COX20: variants seen among roughly 807,000 people sequenced by gnomAD.
COX20 encodes cytochrome c oxidase assembly factor COX20, also known as cytochrome c oxidase assembly protein COX20, mitochondrial.
COX20 carries 14 observed loss-of-function variants against 14.3 expected under a neutral mutation model. The observed-to-expected ratio is 0.98, with a 90% CI of 0.65 to 1.53. The LOEUF (loss-of-function observed/expected upper bound fraction) is 1.53, where lower values mean the gene tolerates loss of function less well. COX20 is among the 40% of genes most tolerant of loss of function. The pLI is 0.00. For synonymous variants in COX20, 56 were observed against 51.7 expected (o/e 1.08, Z -0.36); for missense variants, 149 against 142.1 (o/e 1.05, Z -0.25).
chr1:244,837,106 T>C (rs1294264635), intron 1 of COX20, among the ~76,000 whole-genome samples: 3 of 144,742 alleles, frequency 2.1e-5, no homozygotes, highest in Non-Finnish European at 4.6e-5. Flanking sequence ...CATTGGAAAT[T>C]AAAAAAAAAA....
chr1:244,835,890 C>T (rs1294109712), intron 1 of COX20, 134 bp downstream of exon 1: 3 of 640,834 alleles, frequency 4.7e-6, no homozygotes, highest in Admixed American at 8.7e-5. Context: ...TTTAACTGTT[C>T]CTAGTCCTTA....
At chr1:244,835,620 C>T, upstream of COX20, 2 of 974,068 alleles carry the variant, frequency 2.1e-6, no homozygotes, top group East Asian at 3.4e-5. Context: ...GAGGCGGCGG[C>T]GCGTGGGGGC....
Position 244,843,410 on chromosome 1 carries a change from T to G in COX20, c.*234T>G, listed in dbSNP as rs1209517141. 4.3e-6 allele frequency: 2 copies of G among 466,656 alleles called. No homozygotes were observed. Among genetic ancestry groups the G allele is most frequent in the Non-Finnish European group, 7.6e-6 (2 of 261,880 alleles). 28.9% of individuals were successfully genotyped at this position (466,656 alleles called of 1,614,324 possible). A position where few individuals can be genotyped will look rare whatever the true frequency, so the allele number is the denominator to read the frequency against. On this transcript the variant is annotated 3_prime_UTR_variant, in exon 4 of 4. Coordinates refer to ENST00000411948, the MANE Select transcript of COX20 (RefSeq NM_198076.6). ...GTCATCCTTAAAATGTGAACAGAATTTATTGGCAGTGTGGCAAAGAATTAT... is the reference window on the plus strand; with the variant it reads ...GTCATCCTTAAAATGTGAACAGAATGTATTGGCAGTGTGGCAAAGAATTAT...
At chr1:244,841,294 C>G (rs1680188762) in intron 1 of COX20, 1 of 152,176 alleles carries the variant, frequency 6.6e-6, no homozygotes, top group Non-Finnish European at 1.5e-5. Context: ...CTTTGGATCC[C>G]CGCGTTTTTC....
intron 1 of COX20, among the ~76,000 whole-genome samples, chr1:244,836,151 T>G (rs1368992182): frequency 6.6e-6 from 1 of 152,156 alleles, no homozygotes; most frequent in East Asian, 1.9e-4. Flanking sequence ...TTCATCACAT[T>G]TAACATAGGA....
chr1:244,842,952 TTTAAG>T (rs1680266025), intron 3 of COX20, 84 bp from the exon 4 acceptor site: 5 of 1,023,794 alleles, frequency 4.9e-6, no homozygotes, highest in South Asian at 3.6e-5. Context: ...GTCATCTGTA[TTTAAG>T]TTTTGTGTGA....
upstream of COX20, chr1:244,835,574 C>T: frequency 3.8e-6 from 2 of 531,286 alleles, no homozygotes; most frequent in Non-Finnish European, 5.7e-6. Context: ...TAGGAACATT[C>T]CCTAAAATGG....
In COX20 at chr1:244,843,372, A is replaced by G; in HGVS notation, c.*196A>G. On this transcript the variant is annotated 3_prime_UTR_variant, in exon 4 of 4. Transcript: ENST00000411948. ...CCAGGATAGCATTCTTACGTGTTAC[A>G]TATAGTGGACTTGTCATCCTTAAAA... is the stretch of plus-strand genomic sequence containing the variant. 1 of 554,528 alleles carries G rather than the reference A, an allele frequency of 1.8e-6. No homozygotes were observed. The highest frequency in any genetic ancestry group is 3.2e-6 in the Non-Finnish European group (1 of 316,684). The allele number at this position is 554,528 out of a possible 1,614,324, so 34.4% of individuals were successfully genotyped here.
In COX20 at chr1:244,844,003, T is replaced by G. The variant is rs1680322320; in HGVS notation, c.*827T>G. 1 of 152,198 alleles carries G rather than the reference T, an allele frequency of 6.6e-6. No homozygotes were observed. The highest frequency in any genetic ancestry group is 1.5e-5 in the Non-Finnish European group (1 of 68,024). The allele number at this position is 152,198 out of a possible 1,614,324, so 9.4% of individuals were successfully genotyped here. A position where few individuals can be genotyped will look rare whatever the true frequency, so the allele number is the denominator to read the frequency against. On this transcript the variant is annotated 3_prime_UTR_variant, in exon 4 of 4. Transcript: ENST00000411948. ...TTATTTCTGGTTTTAATTCATACAA[T>G]ACTTTAAGAAAATCTGTTAAATATA...
At chr1:244,840,857 AG>A (rs1680174153) in intron 1 of COX20, 1 of 152,202 alleles carries the variant, frequency 6.6e-6, no homozygotes, top group Admixed American at 6.5e-5. Context: ...CTCATCCTAT[AG>A]AATCCCTTCT....
At chr1:244,838,458 A>G (rs1680068882) in intron 1 of COX20, among the ~76,000 whole-genome samples, 1 of 152,240 alleles carries the variant, frequency 6.6e-6, no homozygotes, top group Non-Finnish European at 1.5e-5. Context: ...GTGGCACTTC[A>G]GAATCAGGTC....
Position 244,843,956 on chromosome 1 carries a change from AT to A in COX20, c.*781del, listed in dbSNP as rs1680320189. The A allele has an allele frequency of 6.6e-6, 1 of 152,354 alleles. No homozygotes were observed. Among genetic ancestry groups the A allele is most frequent in the East Asian group, 1.9e-4 (1 of 5,194 alleles). The allele number at this position is 152,354 out of a possible 1,614,324, so 9.4% of individuals were successfully genotyped here. A position where few individuals can be genotyped will look rare whatever the true frequency, so the allele number is the denominator to read the frequency against. ...CAGGATTTATTCTCCGGGAGAAATTATCCCTTTCTAGGAAAATGAAGTTATT... is the reference window on the plus strand; with the variant it reads ...CAGGATTTATTCTCCGGGAGAAATTACCCTTTCTAGGAAAATGAAGTTATT... On this transcript the variant is annotated 3_prime_UTR_variant, in exon 4 of 4. Coordinates refer to ENST00000411948, the MANE Select transcript of COX20 (RefSeq NM_198076.6).
At chr1:244,835,657 G>A, upstream of COX20, 1 of 1,219,492 alleles carries the variant, frequency 8.2e-7, no homozygotes, top group South Asian at 3.7e-5. Context: ...CGGCCAGCCG[G>A]GCTTCTGCTT....
At position 244,835,821 on chromosome 1, in the gene COX20, G is replaced by C. The variant is rs1240666128; in HGVS notation, c.42+65G>C. 6.9e-6 allele frequency: 8 copies of C among 1,161,474 alleles called. No individual in the cohort carries two copies. In the East Asian group the frequency reaches 2.5e-4, roughly 37 times the overall value. 71.9% of individuals were successfully genotyped at this position (1,161,474 alleles called of 1,614,324 possible). A position where few individuals can be genotyped will look rare whatever the true frequency, so the allele number is the denominator to read the frequency against. On this transcript the variant is annotated intron_variant, in intron 1 of 3. Coordinates refer to ENST00000411948, the MANE Select transcript of COX20 (RefSeq NM_198076.6). ...GGTGGGTAAGGACGTTCTCCGCGGA[G>C]CTCCTAGGCCCGGAGCACGTGTCAC...
At chr1:244,839,439 CTTAAT>C (rs1680108702) in intron 1 of COX20, among the ~76,000 whole-genome samples, 1 of 152,062 alleles carries the variant, frequency 6.6e-6, no homozygotes, top group African/African-American at 2.4e-5. Context: ...CTGACATTTC[CTTAAT>C]TTATTTTTAA....
intron 1 of COX20, chr1:244,839,866 C>T (rs971069245): frequency 3.3e-5 from 5 of 152,176 alleles, no homozygotes; most frequent in South Asian, 2.1e-4. Context: ...TCCACTCCTG[C>T]CAACACTTAT....
chr1:244,841,732 G>C, intron 1 of COX20: 1 of 483,114 alleles, frequency 2.1e-6, no homozygotes, highest in Non-Finnish European at 3.7e-6. Flanking sequence ...AGGGTTTTCC[G>C]GTCCAATTTG....
chr1:244,836,565 A>AG, intron 1 of COX20: 1 of 1,486,436 alleles, frequency 6.7e-7, no homozygotes, highest in Non-Finnish European at 9.2e-7. Context: ...CTCCTTATTA[A>AG]GAGCAGGGAA....
chr1:244,843,406 G>T lies in COX20; in HGVS notation c.*230G>T. The T allele has an allele frequency of 2.1e-6, 1 of 471,960 alleles. No individual in the cohort carries two copies. The highest frequency in any genetic ancestry group is 3.8e-6 in the Non-Finnish European group (1 of 264,944). The allele number at this position is 471,960 out of a possible 1,614,324, so 29.2% of individuals were successfully genotyped here. A position where few individuals can be genotyped will look rare whatever the true frequency, so the allele number is the denominator to read the frequency against. On this transcript the variant is annotated 3_prime_UTR_variant, in exon 4 of 4. Transcript: ENST00000411948. ...ACTTGTCATCCTTAAAATGTGAACA[G>T]AATTTATTGGCAGTGTGGCAAAGAA...
Sources: gnomAD v4.1 joint callset for allele counts (sites outside exome capture counted in the v4.1 genomes callset) on GRCh38, gnomAD v4.1.1 for gene constraint, MANE v1.5 for transcripts, NCBI Gene and HGNC (gene_info 2026-07-23, HGNC 2026-07-21) for gene names.